Variants in MGAT5 observed in about 807,000 individuals in gnomAD.
MGAT5 encodes the protein alpha-1,6-mannosylglycoprotein 6-beta-N-acetylglucosaminyltransferase.
A neutral mutation model predicts 94.3 loss-of-function variants in MGAT5; 30 were observed. That is an observed-to-expected ratio of 0.32 (90% CI 0.24 to 0.43). The LOEUF (loss-of-function observed/expected upper bound fraction) is 0.43. Ranked by LOEUF, MGAT5 falls within the 20% of genes least tolerant of loss-of-function variation. The pLI, the probability that MGAT5 is intolerant of heterozygous loss-of-function variation, is 1.00. For synonymous variants in MGAT5, 310 were observed against 322.9 expected, an observed-to-expected ratio of 0.96 and a Z score of 0.43; for missense variants, 691 against 905.5, an observed-to-expected ratio of 0.76 and a Z score of 3.04.
chr2:134,333,047 A>G (rs1363228948), intron 4 of MGAT5, among the ~76,000 whole-genome samples: 1 of 152,178 alleles, frequency 6.6e-6, no homozygotes, highest in Non-Finnish European at 1.5e-5. Context: ...GGGATCTAGA[A>G]CTAGAAATAC....
chr2:134,440,450 T>TA (rs1441158647), intron 14 of MGAT5, among the ~76,000 whole-genome samples: 102 of 152,234 alleles, frequency 6.7e-4, no homozygotes, highest in Admixed American at 5.9e-3. Flanking sequence ...GCACCTGAGG[T>TA]GAACTGGCGT....
chr2:134,202,517 A>G (rs1461019673), intron 1 of MGAT5, among the ~76,000 whole-genome samples: 2 of 152,216 alleles, frequency 1.3e-5, no homozygotes, highest in African/African-American at 2.4e-5. Context: ...TGCGCAGTCT[A>G]AAGTGTTTCG....
At chr2:134,383,945 C>T (rs778203317) in intron 10 of MGAT5, among the ~76,000 whole-genome samples, 2 of 150,878 alleles carry the variant, frequency 1.3e-5, no homozygotes, top group African/African-American at 2.4e-5. Context: ...TCCCAAAGTG[C>T]TGGGATTACA....
chr2:134,131,383 G>A (rs1247569859), intron 1 of MGAT5, among the ~76,000 whole-genome samples: 2 of 152,276 alleles, frequency 1.3e-5, no homozygotes, highest in Non-Finnish European at 2.9e-5. Flanking sequence ...GCCAGAACTG[G>A]CAGAGCCAGG....
intron 1 of MGAT5, among the ~76,000 whole-genome samples, chr2:134,179,388 C>T (rs1452351408): frequency 2.0e-5 from 3 of 152,074 alleles, no homozygotes; most frequent in Admixed American, 1.3e-4. Context: ...CATAAGGTGT[C>T]GTCAAACACA....
In MGAT5 at chr2:134,385,766, G is replaced by A. The variant is rs539944718; in HGVS notation, c.1381-17222G>A. Among the ~76,000 whole-genome samples, 55 of 152,254 alleles carry A rather than the reference G, an allele frequency of 3.6e-4. 1 individual carries two copies. The highest frequency in any genetic ancestry group is 3.5e-3 in the Admixed American group (54 of 15,302). On this transcript the variant is annotated intron_variant, in intron 10 of 15. Coordinates refer to ENST00000281923, the MANE Select transcript of MGAT5 (RefSeq NM_002410.5). ...AAAAGTTTTGACAATATGACACTAG[G>A]GAAACATAAAGCCACTGAAGATAAT...
chr2:134,259,396 G>A (rs1160236214), intron 1 of MGAT5, among the ~76,000 whole-genome samples: 2 of 152,206 alleles, frequency 1.3e-5, no homozygotes, highest in African/African-American at 4.8e-5. Context: ...CTGATCCCTA[G>A]TGATCACCTC....
At chr2:134,139,987 A>G (rs984378109) in intron 1 of MGAT5, among the ~76,000 whole-genome samples, 3 of 152,242 alleles carry the variant, frequency 2.0e-5, no homozygotes, top group African/African-American at 7.2e-5. Flanking sequence ...GAACACCTGT[A>G]AAAGCATGAA....
intron 1 of MGAT5, among the ~76,000 whole-genome samples, chr2:134,209,088 T>A (rs1245624818): frequency 6.6e-6 from 1 of 151,570 alleles, no homozygotes; most frequent in Admixed American, 6.6e-5. Flanking sequence ...TTTTGTGTAT[T>A]TACCGGGGAT....
chr2:134,402,707 C>G (rs1558860434), intron 10 of MGAT5, among the ~76,000 whole-genome samples: 1 of 152,234 alleles, frequency 6.6e-6, no homozygotes, highest in Admixed American at 6.5e-5. Context: ...TAATGTATTT[C>G]CTCTTGCAAA....
intron 2 of MGAT5, among the ~76,000 whole-genome samples, chr2:134,293,389 T>C (rs1213775409): frequency 1.3e-5 from 2 of 152,170 alleles, no homozygotes; most frequent in Non-Finnish European, 2.9e-5. Flanking sequence ...CCGTTCCTTT[T>C]CTTCCCTCTT....
chr2:134,281,731 A>G (rs1031907532), intron 2 of MGAT5, among the ~76,000 whole-genome samples: 1 of 151,914 alleles, frequency 6.6e-6, no homozygotes, highest in Non-Finnish European at 1.5e-5. Flanking sequence ...GGGGAGGGGA[A>G]CTCCTGTGCG....
chr2:134,216,760 G>T lies in MGAT5; in HGVS notation c.-142-37502G>T, dbSNP rs78941734. On this transcript the variant is annotated intron_variant, in intron 1 of 16. Transcript: ENST00000409645. Reference sequence around the variant, plus strand: ...TGCCATTTCTGCTCTACCTCTAGGGGTGATTATTGTGGTTTCTCAGGTGCC... The same window carrying T: ...TGCCATTTCTGCTCTACCTCTAGGGTTGATTATTGTGGTTTCTCAGGTGCC... 5.9e-3 allele frequency among the ~76,000 whole-genome samples: 895 copies of T among 152,318 alleles called. 40 individuals carry two copies. The East Asian group carries it at 0.13, about 23-fold the overall frequency.
intron 8 of MGAT5, among the ~76,000 whole-genome samples, chr2:134,346,969 T>G (rs1238727476): frequency 6.6e-6 from 1 of 152,074 alleles, no homozygotes; most frequent in Non-Finnish European, 1.5e-5. Context: ...AAAGAGAAGT[T>G]TCTAGGAGGT....
chr2:134,263,026 A>G (rs953068522), intron 1 of MGAT5, among the ~76,000 whole-genome samples: 3 of 152,156 alleles, frequency 2.0e-5, no homozygotes, highest in African/African-American at 7.2e-5. Flanking sequence ...TCACCTTTGG[A>G]TCTAACCAGG....
chr2:134,350,007 T>A, intron 9 of MGAT5, 69 bp downstream of exon 9: 2 of 1,579,662 alleles, frequency 1.3e-6, no homozygotes, highest in Non-Finnish European at 1.7e-6. Context: ...TTAGCCGCCA[T>A]CTATTTTGGG....
intron 1 of MGAT5, among the ~76,000 whole-genome samples, chr2:134,257,836 CTTTTTTTTT>C (rs10628858): frequency 1.9e-5 from 2 of 106,414 alleles, no homozygotes; most frequent in African/African-American, 3.7e-5. Flanking sequence ...TTTGCAGTCT[CTTTTTTTTT>C]TTTTTTTTTT....
chr2:134,404,439 G>C (rs1480603283), intron 11 of MGAT5, among the ~76,000 whole-genome samples: 1 of 152,164 alleles, frequency 6.6e-6, no homozygotes, highest in Non-Finnish European at 1.5e-5. Flanking sequence ...ACTTTATTTT[G>C]AACATGAGGA....
chr2:134,418,758 A>G (rs555205828), intron 12 of MGAT5, among the ~76,000 whole-genome samples: 20 of 152,352 alleles, frequency 1.3e-4, no homozygotes, highest in African/African-American at 4.6e-4. Context: ...AGCGGGTCTC[A>G]AGCCTGAGAA....
Sources: allele counts gnomAD v4.1 joint callset (sites outside exome capture counted in the v4.1 genomes callset), GRCh38; gene constraint gnomAD v4.1.1; transcripts MANE v1.5; gene names NCBI Gene and HGNC (gene_info 2026-07-23, HGNC 2026-07-21).